The following CGA variants were observed in gnomAD, a reference collection of about 807,000 sequenced individuals.
CGA encodes glycoprotein hormones, alpha polypeptide, also known as glycoprotein hormones alpha chain.
A neutral mutation model predicts 12.0 loss-of-function variants in CGA; 4 were observed. The ratio of observed to expected loss-of-function variants is 0.33; its 90% CI spans 0.16 to 0.76. CGA has a LOEUF of 0.76. CGA is among the 30% of genes least tolerant of loss of function. CGA has a pLI of 0.60. For synonymous variants in CGA, 60 were observed against 56.6 expected, an observed-to-expected ratio of 1.06 and a Z score of -0.27; for missense variants, 102 against 143.5, an observed-to-expected ratio of 0.71 and a Z score of 1.48.
intron 1 of CGA, among the ~76,000 whole-genome samples, chr6:87,093,029 T>C (rs565878789): frequency 3.9e-5 from 6 of 152,296 alleles, no homozygotes; most frequent in Admixed American, 6.5e-5. Context: ...TATCCCCGGC[T>C]CTGCCTCCCA....
At chr6:87,091,082 T>C (rs1769425147) in intron 1 of CGA, among the ~76,000 whole-genome samples, 1 of 152,188 alleles carries the variant, frequency 6.6e-6, no homozygotes, top group Admixed American at 6.5e-5. Flanking sequence ...TGCCTTAATA[T>C]TGCAGCTCAT....
chr6:87,090,421 C>T (rs912348038), intron 1 of CGA, among the ~76,000 whole-genome samples: 1 of 151,858 alleles, frequency 6.6e-6, no homozygotes, highest in African/African-American at 2.4e-5. Context: ...TTAGGCCAGA[C>T]GATGAAGAGT....
At chr6:87,092,288 A>AC (rs1769446546) in intron 1 of CGA, among the ~76,000 whole-genome samples, 1 of 152,086 alleles carries the variant, frequency 6.6e-6, no homozygotes. Flanking sequence ...TTATCTTTGT[A>AC]CCCCATTTCA....
At chr6:87,088,063 TA>T (rs1769355547) in intron 2 of CGA, 49 bp downstream of exon 2, 1 of 1,016,640 alleles carries the variant, frequency 9.8e-7, no homozygotes, top group Non-Finnish European at 1.5e-6. Context: ...GATGTACATC[TA>T]GAAATGTGTG....
rs756147637 is a variant in CGA, at chr6:87,085,867, T to C, written c.274-34A>G. 9 of 1,384,654 alleles carry C rather than the reference T, an allele frequency of 6.5e-6. No individual in the cohort carries two copies. The South Asian group carries it at 9.5e-5, about 15-fold the overall frequency. The allele number at this position is 1,384,654 out of a possible 1,614,324, so 85.8% of individuals were successfully genotyped here. On this transcript the variant is annotated intron_variant, in intron 3 of 3. Coordinates refer to ENST00000627148, the MANE Select transcript of CGA (RefSeq NM_000735.4). ...GAAGGAAAAAAAAACATATTATAGA[T>C]TAGATGATAGATAGATAGATAGAGA...
intron 1 of CGA, among the ~76,000 whole-genome samples, chr6:87,094,425 C>G (rs78037167): frequency 1.5e-4 from 23 of 152,310 alleles, no homozygotes; most frequent in South Asian, 1.0e-3. Flanking sequence ...ATTGCAAATT[C>G]ATGAATAATA....
intron 1 of CGA, among the ~76,000 whole-genome samples, chr6:87,090,637 A>ATTTTTTTTTTTTTTTT (rs147883019): frequency 1.6e-5 from 2 of 124,834 alleles, no homozygotes; most frequent in Non-Finnish European, 1.7e-5. Flanking sequence ...CTCTTCAATA[A>ATTTTTTTTTTTTTTTT]TTTTTTTTTT....
chr6:87,094,664 T>C (rs1168860305), intron 1 of CGA, among the ~76,000 whole-genome samples: 4 of 152,124 alleles, frequency 2.6e-5, no homozygotes, highest in African/African-American at 9.7e-5. Flanking sequence ...TAAAACAATA[T>C]CATAATGTCT....
At position 87,089,516 on chromosome 6, in the gene CGA, A is replaced by G. The variant is rs1769391292; in HGVS notation, c.-7-1309T>C. Among the ~76,000 whole-genome samples the G allele has an allele frequency of 2.0e-5, 3 of 152,340 alleles. No individual in the cohort carries two copies. In the South Asian group the frequency reaches 6.2e-4, roughly 32 times the overall value. ...TGAAGGATATACAGGACTTCTCTGT[A>G]CATTTTTTGCAACTTCCTCTAAATC... On this transcript the variant is annotated intron_variant, in intron 1 of 3. Coordinates refer to ENST00000627148, the MANE Select transcript of CGA (RefSeq NM_000735.4).
At chr6:87,087,078 CAAAAG>C (rs1052655146) in intron 2 of CGA, among the ~76,000 whole-genome samples, 16 of 152,006 alleles carry the variant, frequency 1.1e-4, no homozygotes, top group Admixed American at 6.6e-5. Context: ...GACTCTGTCT[CAAAAG>C]AAAAGGCAAG....
At chr6:87,091,972 C>T (rs559571009) in intron 1 of CGA, among the ~76,000 whole-genome samples, 1 of 152,238 alleles carries the variant, frequency 6.6e-6, no homozygotes, top group Non-Finnish European at 1.5e-5. Context: ...GAGATTGCGC[C>T]ACTGCACTCT....
intron 1 of CGA, 25 bp from the exon 2 acceptor site, chr6:87,088,232 A>C (rs1769362331): frequency 1.5e-6 from 2 of 1,303,950 alleles, no homozygotes; most frequent in African/African-American, 3.3e-5. Flanking sequence ...GGCAAAAAAA[A>C]AAAAACAAAA....
At chr6:87,087,631 C>T (rs1769348099) in intron 2 of CGA, 1 of 152,252 alleles carries the variant, frequency 6.6e-6, no homozygotes, top group East Asian at 1.9e-4. Context: ...CCAATAGTAG[C>T]TCACAATTTC....
chr6:87,090,597 A>T (rs1005659284), intron 1 of CGA, among the ~76,000 whole-genome samples: 13 of 151,800 alleles, frequency 8.6e-5, no homozygotes, highest in African/African-American at 3.1e-4. Context: ...ATATTAATGG[A>T]TATAAACTCA....
chr6:87,090,637 A>ATTTTTTTTTTTTTT (rs147883019), intron 1 of CGA, among the ~76,000 whole-genome samples: 26 of 124,768 alleles, frequency 2.1e-4, no homozygotes, highest in East Asian at 2.5e-4. Context: ...CTCTTCAATA[A>ATTTTTTTTTTTTTT]TTTTTTTTTT....
Position 87,086,431 on chromosome 6 carries a change from C to A in CGA, c.92G>T (p.Cys31Phe). 1.9e-6 allele frequency: 3 copies of A among 1,585,636 alleles called. No homozygotes were observed. The highest frequency in any genetic ancestry group is 2.6e-6 in the Non-Finnish European group (3 of 1,170,280). ...VLHSAPDVQD[C>F]PECTLQENPF... Reference sequence around the variant, plus strand: ...GTTTTCCTGTAGCGTGCATTCTGGGCAATCTATCAGGGAAAAAAAAAGGCA... The same window carrying A: ...GTTTTCCTGTAGCGTGCATTCTGGGAAATCTATCAGGGAAAAAAAAAGGCA... The change falls in exon 3 of 4, where the codon TGC (cysteine) becomes TTC (phenylalanine). Residue 31 changes from cysteine (C) to phenylalanine (F), a missense_variant. Physicochemically the swap from Cys to Phe is radical, Grantham distance 205. Transcript: ENST00000627148.
rs71553498 is a variant in CGA at position 87,088,224 on chromosome 6, C to CAA, written c.-7-19_-7-18dup. 2,290 of 433,738 alleles carry CAA rather than the reference C, an allele frequency of 5.3e-3. 75 individuals are homozygous for CAA. In the African/African-American group the frequency reaches 0.077, roughly 15 times the overall value. 26.9% of individuals were successfully genotyped at this position (433,738 alleles called of 1,614,324 possible). A position where few individuals can be genotyped will look rare whatever the true frequency, so the allele number is the denominator to read the frequency against. ...ATGGCGCTCCTGCAGACAGACATGG[C>CAA]AAAAAAAAAAAAACAAAAAACAGTT... On this transcript the variant is annotated splice_polypyrimidine_tract_variant and intron_variant, in intron 1 of 3. Transcript: ENST00000627148.
At chr6:87,090,732 G>A (rs1582321443) in intron 1 of CGA, among the ~76,000 whole-genome samples, 1 of 149,170 alleles carries the variant, frequency 6.7e-6, no homozygotes, top group Non-Finnish European at 1.5e-5. Context: ...CCACCTCCTG[G>A]GTTCAAGCAA....
intron 1 of CGA, among the ~76,000 whole-genome samples, chr6:87,089,931 G>C (rs2127754808): frequency 6.6e-6 from 1 of 152,220 alleles, no homozygotes; most frequent in African/African-American, 2.4e-5. Context: ...TGAATTTTAT[G>C]TTTAGACATG....
Sources: allele counts gnomAD v4.1 joint callset (sites outside exome capture counted in the v4.1 genomes callset), GRCh38; gene constraint gnomAD v4.1.1; transcripts MANE v1.5; gene names NCBI Gene and HGNC (gene_info 2026-07-23, HGNC 2026-07-21).